Variants in CALN1 observed in about 807,000 individuals in gnomAD.
The protein encoded by CALN1 is calcium-binding protein 8.
A neutral mutation model predicts 30.6 loss-of-function variants in CALN1; 17 were observed. The observed-to-expected ratio is 0.56, with a 90% CI of 0.38 to 0.83. The LOEUF (loss-of-function observed/expected upper bound fraction) is 0.83, where lower values mean the gene tolerates loss of function less well. Among genes scored for constraint, CALN1 ranks in the 40% least tolerant of loss-of-function variants. The pLI is 0.00. For synonymous variants in CALN1, 156 were observed against 131.4 expected (o/e 1.19, Z -1.28); for missense variants, 291 against 354.9 (o/e 0.82, Z 1.45).
At chr7:72,210,564 C>T (rs1053956386) in intron 3 of CALN1, among the ~76,000 whole-genome samples, 5 of 151,666 alleles carry the variant, frequency 3.3e-5, no homozygotes, top group East Asian at 1.9e-4. Context: ...TGGGGGAAGG[C>T]GAAGGGGGAG....
intron 4 of CALN1, among the ~76,000 whole-genome samples, chr7:72,050,994 CAATAAATAAATA>C (rs10601126): frequency 0.2 from 27,675 of 139,138 alleles, 3,056 homozygotes; most frequent in East Asian, 0.33. Context: ...GACTCCACCA[CAATAAATAAATA>C]AATAAATAAA....
At chr7:72,472,752 A>T in the CALN1 span, among the ~76,000 whole-genome samples, 2 of 152,188 alleles carry the variant, frequency 1.3e-5, no homozygotes, top group African/African-American at 4.8e-5. Context: ...ACTACACTCC[A>T]GCCTGAGCGA....
chr7:72,191,947 C>T (rs1052471456), intron 3 of CALN1, among the ~76,000 whole-genome samples: 6 of 152,030 alleles, frequency 3.9e-5, no homozygotes, highest in Non-Finnish European at 8.8e-5. Context: ...TTTGCCATTA[C>T]CTTTAATGGC....
chr7:72,292,356 T>C (rs965091457), intron 2 of CALN1, among the ~76,000 whole-genome samples: 7 of 151,392 alleles, frequency 4.6e-5, no homozygotes, highest in African/African-American at 1.7e-4. Context: ...TCTGGTCTCT[T>C]TGTCCCCTTA....
intron 5 of CALN1, among the ~76,000 whole-genome samples, chr7:71,847,989 C>A (rs1790418876): frequency 6.6e-6 from 1 of 152,126 alleles, no homozygotes; most frequent in Non-Finnish European, 1.5e-5. Flanking sequence ...ATTAAATCTC[C>A]TTTTCTTTAT....
chr7:72,270,614 A>AT (rs1001475695), intron 3 of CALN1, among the ~76,000 whole-genome samples: 3 of 151,592 alleles, frequency 2.0e-5, no homozygotes, highest in East Asian at 3.9e-4. Flanking sequence ...TCTAAAAAAA[A>AT]TTTTTTTTTA....
At chr7:71,803,642 T>C (rs1787434501) in intron 6 of CALN1, among the ~76,000 whole-genome samples, 1 of 152,002 alleles carries the variant, frequency 6.6e-6, no homozygotes, top group Admixed American at 6.6e-5. Flanking sequence ...ACCCAGCTAA[T>C]TTTTGTATTT....
At chr7:72,386,007 G>A (rs146855561) in intron 2 of CALN1, among the ~76,000 whole-genome samples, 9 of 152,232 alleles carry the variant, frequency 5.9e-5, no homozygotes, top group African/African-American at 2.2e-4. Flanking sequence ...ATATATGTAA[G>A]TGAGAGAAGC....
the CALN1 span, among the ~76,000 whole-genome samples, chr7:72,466,893 A>C: frequency 6.6e-6 from 1 of 151,952 alleles, no homozygotes; most frequent in South Asian, 2.1e-4. Flanking sequence ...AAAGAAAAGA[A>C]AAAGAAAGAG....
intron 3 of CALN1, among the ~76,000 whole-genome samples, chr7:72,111,138 G>A (rs1345586582): frequency 3.3e-5 from 5 of 152,108 alleles, no homozygotes; most frequent in South Asian, 2.1e-4. Context: ...CATGCAACAC[G>A]TGCACGTTAG....
intron 2 of CALN1, among the ~76,000 whole-genome samples, chr7:72,333,489 T>C (rs1036241959): frequency 2.6e-5 from 4 of 152,216 alleles, no homozygotes; most frequent in Non-Finnish European, 5.9e-5. Flanking sequence ...CTGAGAAATC[T>C]GCCAATGTTC....
intron 5 of CALN1, among the ~76,000 whole-genome samples, chr7:71,847,378 A>G (rs1468030484): frequency 2.0e-5 from 3 of 152,026 alleles, no homozygotes; most frequent in Non-Finnish European, 4.4e-5. Context: ...GGCTGGGTGC[A>G]GTGGCTCACG....
chr7:71,990,836 T>C (rs1225144232), intron 5 of CALN1, among the ~76,000 whole-genome samples: 1 of 152,186 alleles, frequency 6.6e-6, no homozygotes, highest in East Asian at 1.9e-4. Context: ...CACCAAATTC[T>C]TTCTTGTGCG....
chr7:72,228,001 C>T (rs566252710), intron 3 of CALN1, among the ~76,000 whole-genome samples: 3 of 152,088 alleles, frequency 2.0e-5, no homozygotes, highest in Admixed American at 6.5e-5. Context: ...CTAAGCTCCT[C>T]CAATGTCGGA....
chr7:72,468,533 C>T, the CALN1 span, among the ~76,000 whole-genome samples: 16 of 152,124 alleles, frequency 1.1e-4, no homozygotes, highest in Non-Finnish European at 1.8e-4. Flanking sequence ...AGGCTAGTCT[C>T]GAACTCCTGA....
At chr7:71,798,942 C>G (rs535235683) in intron 6 of CALN1, among the ~76,000 whole-genome samples, 1 of 151,896 alleles carries the variant, frequency 6.6e-6, no homozygotes, top group Non-Finnish European at 1.5e-5. Context: ...TGATGAATAT[C>G]CTTGATACCC....
At chr7:72,207,634 T>C (rs1435396000) in intron 3 of CALN1, among the ~76,000 whole-genome samples, 1 of 151,954 alleles carries the variant, frequency 6.6e-6, no homozygotes, top group Non-Finnish European at 1.5e-5. Flanking sequence ...TTCTTATATG[T>C]CTCCCCTGCC....
rs1350218199 is a variant in CALN1, at chr7:72,076,389, G to A, written c.388+29762C>T. Among the ~76,000 whole-genome samples, 11 of 151,134 alleles carry A rather than the reference G, an allele frequency of 7.3e-5. No individual in the cohort carries two copies. In the East Asian group the frequency reaches 7.8e-4, roughly 11 times the overall value. On this transcript the variant is annotated intron_variant, in intron 4 of 6. Coordinates refer to ENST00000395275, the MANE Select transcript of CALN1 (RefSeq NM_031468.4). The stretch of plus-strand genomic sequence containing the variant: ...CGAGGCGAGCAGATCACTTGAGGTC[G>A]GGAGTTCGAGACCAGCCTGACCAAC...
At chr7:72,301,863 G>T (rs1334979755) in intron 2 of CALN1, among the ~76,000 whole-genome samples, 1 of 152,106 alleles carries the variant, frequency 6.6e-6, no homozygotes, top group African/African-American at 2.4e-5. Flanking sequence ...ATCACATTCA[G>T]AAACGCCAGG....
Sources: allele counts gnomAD v4.1 joint callset (sites outside exome capture counted in the v4.1 genomes callset), GRCh38; gene constraint gnomAD v4.1.1; transcripts MANE v1.5; gene names NCBI Gene and HGNC (gene_info 2026-07-23, HGNC 2026-07-21).